FGF14: variants seen among roughly 807,000 people sequenced by gnomAD.
FGF14 encodes the protein fibroblast growth factor homologous factor 4.
In FGF14, 5 loss-of-function variants were observed where a neutral mutation model predicts 25.5. That is an observed-to-expected ratio of 0.20 (90% CI 0.10 to 0.41). The LOEUF (loss-of-function observed/expected upper bound fraction) is 0.41, where lower values mean the gene tolerates loss of function less well. FGF14 is among the 10% of genes least tolerant of loss of function. The pLI, the probability that FGF14 is intolerant of heterozygous loss-of-function variation, is 1.00. For synonymous variants in FGF14, 138 were observed against 118.3 expected (o/e 1.17, Z -1.08); for missense variants, 222 against 320.1 (o/e 0.69, Z 2.34).
intron 1 of FGF14, among the ~76,000 whole-genome samples, chr13:102,155,580 C>T (rs1393057930): frequency 1.3e-5 from 2 of 152,022 alleles, no homozygotes; most frequent in Non-Finnish European, 2.9e-5. Flanking sequence ...AAAATTGACA[C>T]CCTAACATCA....
intron 1 of FGF14, among the ~76,000 whole-genome samples, chr13:102,064,605 C>T (rs1383076056): frequency 6.6e-6 from 1 of 151,896 alleles, no homozygotes; most frequent in East Asian, 1.9e-4. Context: ...AAAATAAAGG[C>T]ATTTTCTATA....
At chr13:101,777,705 C>T (rs1345455290) in intron 3 of FGF14, among the ~76,000 whole-genome samples, 1 of 152,150 alleles carries the variant, frequency 6.6e-6, no homozygotes, top group Non-Finnish European at 1.5e-5. Context: ...AGATTTTAAA[C>T]TTCCTTTAAA....
intron 1 of FGF14, among the ~76,000 whole-genome samples, chr13:102,115,010 C>A (rs1311222507): frequency 1.3e-5 from 2 of 152,062 alleles, no homozygotes; most frequent in African/African-American, 4.8e-5. Flanking sequence ...CATTGTATAG[C>A]CTTTTAAAAG....
At chr13:101,822,262 G>C (rs73557453) in intron 3 of FGF14, among the ~76,000 whole-genome samples, 2,264 of 152,114 alleles carry the variant, frequency 0.015, 77 homozygotes, top group African/African-American at 0.051. Flanking sequence ...TTATGGAAAA[G>C]GCCATTCCAC....
chr13:101,924,784 G>A (rs2034253826), intron 1 of FGF14, among the ~76,000 whole-genome samples: 1 of 152,156 alleles, frequency 6.6e-6, no homozygotes, highest in Non-Finnish European at 1.5e-5. Context: ...CTATGAAGTG[G>A]AAGAACAAGA....
At chr13:102,033,842 C>T (rs915880490) in intron 1 of FGF14, among the ~76,000 whole-genome samples, 2 of 152,052 alleles carry the variant, frequency 1.3e-5, no homozygotes, top group Non-Finnish European at 2.9e-5. Context: ...CACTTGAAAC[C>T]AAGACTCCCT....
At chr13:101,904,165 C>T (rs2031939270) in intron 1 of FGF14, among the ~76,000 whole-genome samples, 1 of 152,136 alleles carries the variant, frequency 6.6e-6, no homozygotes, top group South Asian at 2.1e-4. Flanking sequence ...ACAGACCTGC[C>T]CAAGTTTTCC....
chr13:101,851,721 AGT>A (rs1342892828), intron 3 of FGF14, among the ~76,000 whole-genome samples: 2 of 152,054 alleles, frequency 1.3e-5, no homozygotes, highest in Non-Finnish European at 2.9e-5. Context: ...GCCCTTGCTA[AGT>A]GTAAGGCATC....
chr13:101,733,197 T>C (rs529824591), intron 3 of FGF14, among the ~76,000 whole-genome samples: 1 of 152,290 alleles, frequency 6.6e-6, no homozygotes, highest in African/African-American at 2.4e-5. Flanking sequence ...TTGTATGTAG[T>C]CAAAAATTTT....
chr13:102,226,618 A>G (rs2050835976), intron 1 of FGF14, among the ~76,000 whole-genome samples: 1 of 152,092 alleles, frequency 6.6e-6, no homozygotes, highest in Non-Finnish European at 1.5e-5. Flanking sequence ...CTCCTTTTGT[A>G]AGTTCTGTCT....
intron 1 of FGF14, among the ~76,000 whole-genome samples, chr13:102,121,848 A>G (rs1332856425): frequency 6.6e-6 from 1 of 152,236 alleles, no homozygotes; most frequent in Non-Finnish European, 1.5e-5. Flanking sequence ...GCTTAAAGGC[A>G]ATTAAACATA....
At chr13:101,779,059 T>C (rs958385756) in intron 3 of FGF14, 1 of 152,216 alleles carries the variant, frequency 6.6e-6, no homozygotes, top group African/African-American at 2.4e-5. Flanking sequence ...AGTCTGTGAA[T>C]TTCTCTGTTG....
At chr13:102,395,877 G>T (rs889218116) in intron 1 of FGF14, among the ~76,000 whole-genome samples, 2 of 152,178 alleles carry the variant, frequency 1.3e-5, no homozygotes, top group African/African-American at 4.8e-5. Flanking sequence ...AGTTTAGGAA[G>T]TCCCTAAGAA....
At chr13:101,840,950 T>C (rs888955540) in intron 3 of FGF14, among the ~76,000 whole-genome samples, 3 of 151,794 alleles carry the variant, frequency 2.0e-5, no homozygotes, top group African/African-American at 4.8e-5. Flanking sequence ...TAATGAGGAG[T>C]TTACGCTGTC....
At chr13:102,355,809 T>A (rs2057404201) in intron 1 of FGF14, among the ~76,000 whole-genome samples, 1 of 152,126 alleles carries the variant, frequency 6.6e-6, no homozygotes, top group Non-Finnish European at 1.5e-5. Context: ...TAATTCTTCC[T>A]TCGATTAATT....
chr13:101,744,528 A>G (rs952424427), intron 3 of FGF14, among the ~76,000 whole-genome samples: 2 of 152,122 alleles, frequency 1.3e-5, no homozygotes, highest in Non-Finnish European at 2.9e-5. Context: ...TCCAGTGTCC[A>G]GAATAATGCA....
chr13:101,734,660 A>T (rs577433803), intron 3 of FGF14, among the ~76,000 whole-genome samples: 1 of 152,242 alleles, frequency 6.6e-6, no homozygotes, highest in Non-Finnish European at 1.5e-5. Context: ...AATAACTATA[A>T]TTAACACCTT....
intron 1 of FGF14, among the ~76,000 whole-genome samples, chr13:102,191,932 C>G (rs1306457188): frequency 6.6e-6 from 1 of 152,168 alleles, no homozygotes; most frequent in African/African-American, 2.4e-5. Context: ...AGACAGGCCA[C>G]AAGAATGTCT....
intron 1 of FGF14, among the ~76,000 whole-genome samples, chr13:101,947,463 A>G (rs889827291): frequency 1.4e-5 from 2 of 138,354 alleles, no homozygotes; most frequent in African/African-American, 7.0e-5. Context: ...ATTGGATTAG[A>G]AAAAAATGTG....
Sources: gnomAD v4.1 joint callset for allele counts (sites outside exome capture counted in the v4.1 genomes callset) on GRCh38, gnomAD v4.1.1 for gene constraint, MANE v1.5 for transcripts, NCBI Gene and HGNC (gene_info 2026-07-23, HGNC 2026-07-21) for gene names.